Variants in NYAP2 observed in about 807,000 individuals in gnomAD.
The protein encoded by NYAP2 is neuronal tyrosine-phosphorylated phosphoinositide-3-kinase adapter 2.
Under a neutral mutation model 50.4 loss-of-function variants are expected in NYAP2, and 23 were observed. The ratio of observed to expected loss-of-function variants is 0.46; its 90% CI spans 0.33 to 0.65. The LOEUF is 0.65. Among genes scored for constraint, NYAP2 ranks in the 30% least tolerant of loss-of-function variants. The probability of loss-of-function intolerance (pLI) is 0.02; values close to 1 mark genes in which losing one functional copy is unlikely to be tolerated. For synonymous variants in NYAP2, 394 were observed against 365.2 expected (o/e 1.08, Z -0.90); for missense variants, 885 against 861.0 (o/e 1.03, Z -0.35).
chr2:225,650,103 G>A (rs1471480508), intron 6 of NYAP2, among the ~76,000 whole-genome samples: 4 of 152,184 alleles, frequency 2.6e-5, no homozygotes, highest in Non-Finnish European at 5.9e-5. Flanking sequence ...GAGAGTGTAT[G>A]AGTCTGTGTG....
At chr2:225,435,628 C>T (rs2106136965) in intron 3 of NYAP2, among the ~76,000 whole-genome samples, 1 of 152,300 alleles carries the variant, frequency 6.6e-6, no homozygotes, top group Middle Eastern at 3.4e-3. Context: ...GAATTTTCTA[C>T]ATATTGGTAT....
At chr2:225,551,833 A>T (rs772085049) in intron 4 of NYAP2, among the ~76,000 whole-genome samples, 1 of 152,014 alleles carries the variant, frequency 6.6e-6, no homozygotes, top group South Asian at 2.1e-4. Context: ...TTTTTTTGAG[A>T]TGGAGTTTTA....
In NYAP2 at chr2:225,575,694, G is replaced by C. The variant is rs371475742; in HGVS notation, c.524-6247G>C. Among the ~76,000 whole-genome samples, 17 of 152,296 alleles carry C rather than the reference G, an allele frequency of 1.1e-4. No homozygotes were observed. The South Asian group carries it at 2.3e-3, about 20-fold the overall frequency. On this transcript the variant is annotated intron_variant, in intron 4 of 6. Transcript: ENST00000636099. ...CTTTGGGAGAAAGTGGAAGCTGCCAGAATCAAGGGGAGAAGAAATAGACTC... is the reference window on the plus strand; with the variant it reads ...CTTTGGGAGAAAGTGGAAGCTGCCACAATCAAGGGGAGAAGAAATAGACTC...
rs1203016686 is a variant in NYAP2 at position 225,518,567 on chromosome 2, T to TATATATATAA, written c.523+4897_523+4898insATATATAAAT. Among the ~76,000 whole-genome samples the TATATATATAA allele has an allele frequency of 4.2e-3, 107 of 25,520 alleles. 33 individuals are homozygous for TATATATATAA. Among genetic ancestry groups the TATATATATAA allele is most frequent in the Non-Finnish European group, 7.0e-3 (76 of 10,836 alleles). The allele number at this position is 25,520 out of a possible 152,430, so 16.7% of individuals were successfully genotyped here. On this transcript the variant is annotated intron_variant, in intron 4 of 6. Coordinates refer to ENST00000636099, the Ensembl canonical transcript of NYAP2. The stretch of plus-strand genomic sequence containing the variant: ...ATATATATATATATATATATATATA[T>TATATATATAA]ATTAGCGTGTGCGCTTATATATATA...
At chr2:225,594,774 G>A (rs911393798) in intron 5 of NYAP2, among the ~76,000 whole-genome samples, 1 of 152,160 alleles carries the variant, frequency 6.6e-6, no homozygotes, top group Non-Finnish European at 1.5e-5. Context: ...CTGTAGTGGT[G>A]CATGGTATTT....
chr2:225,418,253 C>G (rs375999234), intron 3 of NYAP2, among the ~76,000 whole-genome samples: 1 of 152,080 alleles, frequency 6.6e-6, no homozygotes, highest in South Asian at 2.1e-4. Flanking sequence ...CACTGTGGCT[C>G]GAACAGGGCA....
intron 5 of NYAP2, among the ~76,000 whole-genome samples, chr2:225,609,002 C>G (rs1317219575): frequency 6.6e-6 from 1 of 152,068 alleles, no homozygotes. Context: ...TGAAACCTCA[C>G]CTTCTAAACT....
At chr2:225,587,115 T>A (rs1228983186) in intron 5 of NYAP2, among the ~76,000 whole-genome samples, 1 of 152,154 alleles carries the variant, frequency 6.6e-6, no homozygotes, top group Non-Finnish European at 1.5e-5. Context: ...ACCACCCCCA[T>A]GATTCAATCA....
chr2:225,633,578 A>G, intron 6 of NYAP2, among the ~76,000 whole-genome samples: 1 of 152,220 alleles, frequency 6.6e-6, no homozygotes, highest in East Asian at 1.9e-4. Context: ...TCTAAGTTCT[A>G]TATTCCCACA....
intron 3 of NYAP2, among the ~76,000 whole-genome samples, chr2:225,446,216 G>GTCTGTCTGTCTCTC (rs1422980177): frequency 1.4e-5 from 1 of 69,668 alleles, no homozygotes; most frequent in South Asian, 5.3e-4. Context: ...CTGTCTGTCT[G>GTCTGTCTGTCTCTC]TCTCTCTCTC....
At chr2:225,540,565 G>A (rs1365231198) in intron 4 of NYAP2, among the ~76,000 whole-genome samples, 1 of 152,114 alleles carries the variant, frequency 6.6e-6, no homozygotes, top group African/African-American at 2.4e-5. Context: ...CTTCCCACTT[G>A]GTCCCTTCCA....
chr2:225,660,217 C>A, the NYAP2 span, among the ~76,000 whole-genome samples: 1 of 152,102 alleles, frequency 6.6e-6, no homozygotes, highest in Non-Finnish European at 1.5e-5. Context: ...GAGTTTAGGT[C>A]TGGCATTTCT....
At chr2:225,426,233 C>T (rs987196019) in intron 3 of NYAP2, among the ~76,000 whole-genome samples, 4 of 151,824 alleles carry the variant, frequency 2.6e-5, no homozygotes, top group African/African-American at 9.7e-5. Context: ...CCTTCCAAGC[C>T]ACATTTTACC....
At chr2:225,540,334 G>A (rs964290139) in intron 4 of NYAP2, among the ~76,000 whole-genome samples, 10 of 152,258 alleles carry the variant, frequency 6.6e-5, no homozygotes, top group South Asian at 4.1e-4. Flanking sequence ...TTGAGACTGG[G>A]CAATTTATAA....
intron 5 of NYAP2, among the ~76,000 whole-genome samples, chr2:225,588,535 A>G (rs201241288): frequency 3.7e-4 from 57 of 152,318 alleles, no homozygotes; most frequent in African/African-American, 1.3e-3. Flanking sequence ...AGCTGCTCCA[A>G]CTAACTCTTA....
the NYAP2 span, among the ~76,000 whole-genome samples, chr2:225,685,035 A>G: frequency 8.5e-5 from 13 of 152,210 alleles, no homozygotes; most frequent in Non-Finnish European, 1.5e-5. Flanking sequence ...TAATGTACTT[A>G]GGCTCATTTT....
chr2:225,513,700 A>G, intron 4 of NYAP2, 28 bp downstream of exon 4: 1 of 1,482,858 alleles, frequency 6.7e-7, no homozygotes, highest in Non-Finnish European at 9.0e-7. Flanking sequence ...CATGTCACCT[A>G]GAAATCTCTT....
chr2:225,512,630 C>CTCCT (rs150939276), intron 3 of NYAP2, among the ~76,000 whole-genome samples: 4 of 68,508 alleles, frequency 5.8e-5, no homozygotes, highest in Admixed American at 1.6e-4. Context: ...TTTACTTTTT[C>CTCCT]TCCTTCCTTC....
At position 225,529,457 on chromosome 2, in the gene NYAP2, C is replaced by T. The variant is rs113632247; in HGVS notation, c.523+15785C>T. 4.7e-3 allele frequency among the ~76,000 whole-genome samples: 710 copies of T among 152,046 alleles called. 9 individuals are homozygous for T. Among genetic ancestry groups the T allele is most frequent in the Middle Eastern group, 0.027 (8 of 294 alleles). ...TTCTCTGCCTCAGCCCCCCGAGTAG[C>T]TGGCATTACAGACATGAGCCACCAC... On this transcript the variant is annotated intron_variant, in intron 4 of 6. Transcript: ENST00000636099.
Sources: gnomAD v4.1 joint callset for allele counts (sites outside exome capture counted in the v4.1 genomes callset) on GRCh38, gnomAD v4.1.1 for gene constraint, MANE v1.5 for transcripts, NCBI Gene and HGNC (gene_info 2026-07-23, HGNC 2026-07-21) for gene names.